The following PDXDC1 variants were observed in gnomAD, a reference collection of about 807,000 sequenced individuals.
The protein encoded by PDXDC1 is pyridoxal dependent decarboxylase domain containing 1.
A neutral mutation model predicts 100.1 loss-of-function variants in PDXDC1; 42 were observed. The ratio of observed to expected loss-of-function variants is 0.42; its 90% CI spans 0.33 to 0.54. PDXDC1 has a LOEUF of 0.54. Among genes scored for constraint, PDXDC1 ranks in the 20% least tolerant of loss-of-function variants. The pLI is 0.10. For synonymous variants in PDXDC1, 260 were observed against 371.7 expected, an observed-to-expected ratio of 0.70 and a Z score of 3.46; for missense variants, 636 against 979.2, an observed-to-expected ratio of 0.65 and a Z score of 4.68.
intron 21 of PDXDC1, 95 bp downstream of exon 21, chr16:15,034,648 C>T (rs1297660843): frequency 3.3e-6 from 3 of 902,484 alleles, no homozygotes; most frequent in African/African-American, 1.6e-5. Flanking sequence ...GAATCCCGCC[C>T]TGGTTCCCGT....
At chr16:15,073,070 A>T in intron 16 of PDXDC1, 1 of 1,610,478 alleles carries the variant, frequency 6.2e-7, no homozygotes, top group Non-Finnish European at 8.5e-7. Context: ...TTTTGCCGTT[A>T]TCAACCTTAC....
rs1252596190 is a variant in PDXDC1, at chr16:15,009,531, A to G, written c.649-150A>G. ...GGAAAACTATTTGATTTTCACATCT[A>G]TGATGAGAGAAAACAGAAAAATTGT... On this transcript the variant is annotated intron_variant, in intron 7 of 22. Transcript: ENST00000396410. 5.4e-6 allele frequency: 6 copies of G among 1,111,262 alleles called. No homozygotes were observed. The East Asian group carries it at 8.2e-5, about 15-fold the overall frequency. The allele number at this position is 1,111,262 out of a possible 1,614,324, so 68.8% of individuals were successfully genotyped here.
intron 16 of PDXDC1, among the ~76,000 whole-genome samples, chr16:15,091,979 C>A (rs2046148126): frequency 6.6e-6 from 1 of 152,130 alleles, no homozygotes; most frequent in Admixed American, 6.6e-5. Flanking sequence ...GAGTTCGAGA[C>A]CAGCCTGGCC....
intron 1 of PDXDC1, among the ~76,000 whole-genome samples, chr16:14,991,267 A>ACGTG (rs1970734137): frequency 6.7e-6 from 1 of 149,766 alleles, no homozygotes; most frequent in Non-Finnish European, 1.5e-5. Flanking sequence ...GTATATAGAT[A>ACGTG]TGTGTGTGTG....
At chr16:15,008,469 C>T (rs60994873) in intron 6 of PDXDC1, among the ~76,000 whole-genome samples, 5,562 of 149,100 alleles carry the variant, frequency 0.037, no homozygotes, top group East Asian at 0.075. Flanking sequence ...AAAATGCTCA[C>T]GACCCAGTTG....
chr16:15,093,782 G>A (rs1441554991), intron 16 of PDXDC1, among the ~76,000 whole-genome samples: 1 of 152,164 alleles, frequency 6.6e-6, no homozygotes, highest in African/African-American at 2.4e-5. Context: ...TTTGCCATGA[G>A]TGACGACGTT....
In PDXDC1 at chr16:15,125,555, T is replaced by G. The variant is rs539529722; in HGVS notation, c.1400-13324T>G. 4.4e-6 allele frequency: 7 copies of G among 1,574,558 alleles called. No individual in the cohort carries two copies. In the Admixed American group the frequency reaches 1.2e-4, roughly 26 times the overall value. ...GGTTTCTCTAGGGGAACCCACCTCT[T>G]AGAATCATCCAGAAACAAGTCACTC... On this transcript the variant is annotated intron_variant, in intron 16 of 16. Coordinates refer to the PDXDC1 transcript ENST00000535621.
intron 1 of PDXDC1, among the ~76,000 whole-genome samples, chr16:14,981,489 G>GT (rs1397438417): frequency 6.6e-6 from 1 of 152,290 alleles, no homozygotes; most frequent in Non-Finnish European, 1.5e-5. Flanking sequence ...CTGTTTAGCA[G>GT]TTTTCTTTTT....
the PDXDC1 span, among the ~76,000 whole-genome samples, chr16:15,144,898 G>A: frequency 6.6e-6 from 1 of 152,298 alleles, no homozygotes; most frequent in African/African-American, 2.4e-5. Context: ...CTGCCGCTGG[G>A]GTCGGGGCCA....
chr16:15,079,051 C>A (rs1256696902), intron 16 of PDXDC1, among the ~76,000 whole-genome samples: 1 of 152,118 alleles, frequency 6.6e-6, no homozygotes, highest in Non-Finnish European at 1.5e-5. Context: ...ACCTCGTGAT[C>A]CGCCCGCCTC....
intron 16 of PDXDC1, chr16:15,123,466 G>C: frequency 4.3e-6 from 3 of 696,696 alleles, no homozygotes; most frequent in Non-Finnish European, 7.6e-6. Context: ...TACAGCCTCC[G>C]CTCAGCCATT....
intron 16 of PDXDC1, chr16:15,086,183 G>A (rs551436669): frequency 2.5e-6 from 4 of 1,598,466 alleles, no homozygotes; most frequent in Non-Finnish European, 3.4e-6. Context: ...AAAACAGTCT[G>A]TGCTGATACA....
At chr16:15,077,796 G>A (rs932173376) in intron 16 of PDXDC1, among the ~76,000 whole-genome samples, 2 of 152,190 alleles carry the variant, frequency 1.3e-5, no homozygotes, top group East Asian at 1.9e-4. Flanking sequence ...AGCCGAGATC[G>A]CACCACTGCA....
intron 1 of PDXDC1, among the ~76,000 whole-genome samples, chr16:14,991,226 T>G (rs1424021219): frequency 1.3e-5 from 2 of 152,264 alleles, no homozygotes; most frequent in Admixed American, 6.5e-5. Context: ...GCTTCTAAAC[T>G]ATTTTGTGTG....
At chr16:15,129,434 G>A (rs567184637) in intron 16 of PDXDC1, among the ~76,000 whole-genome samples, 17 of 152,168 alleles carry the variant, frequency 1.1e-4, no homozygotes, top group South Asian at 2.1e-4. Context: ...GCGAGACTCC[G>A]TCTCCAAAAA....
chr16:15,119,403 A>T (rs1428031826), intron 16 of PDXDC1, among the ~76,000 whole-genome samples: 2 of 149,132 alleles, frequency 1.3e-5, no homozygotes, highest in Non-Finnish European at 3.0e-5. Flanking sequence ...ATCTAAAAAA[A>T]AAAAATTTTT....
chr16:15,037,409 G>A lies in PDXDC1; in HGVS notation c.*1134G>A, dbSNP rs547573157. 1.3e-5 allele frequency: 2 copies of A among 152,310 alleles called. No homozygotes were observed. Among genetic ancestry groups the A allele is most frequent in the South Asian group, 2.1e-4 (1 of 4,834 alleles). The allele number at this position is 152,310 out of a possible 1,614,324, so 9.4% of individuals were successfully genotyped here. A position where few individuals can be genotyped will look rare whatever the true frequency, so the allele number is the denominator to read the frequency against. On this transcript the variant is annotated 3_prime_UTR_variant, in exon 23 of 23. Transcript: ENST00000396410. The stretch of plus-strand genomic sequence containing the variant: ...TGTAGTATTGGAAGCCTTAGTTATA[G>A]TATATTAAGCCTATAATTATACTCT...
At chr16:15,128,929 C>T (rs2047907399) in intron 16 of PDXDC1, among the ~76,000 whole-genome samples, 1 of 149,606 alleles carries the variant, frequency 6.7e-6, no homozygotes, top group Non-Finnish European at 1.5e-5. Flanking sequence ...CCTCAGTCTC[C>T]CGAGGAGCTG....
chr16:15,093,395 C>T (rs1443731419), intron 16 of PDXDC1, among the ~76,000 whole-genome samples: 1 of 152,206 alleles, frequency 6.6e-6, no homozygotes, highest in Non-Finnish European at 1.5e-5. Flanking sequence ...TTCTCCCTCC[C>T]CCATTACCTT....
Sources: gnomAD v4.1 joint callset for allele counts (sites outside exome capture counted in the v4.1 genomes callset) on GRCh38, gnomAD v4.1.1 for gene constraint, MANE v1.5 for transcripts, NCBI Gene and HGNC (gene_info 2026-07-23, HGNC 2026-07-21) for gene names.